Variants in GLIS3 observed in about 807,000 individuals in gnomAD.
GLIS3 encodes GLIS family zinc finger 3, also known as zinc finger protein GLIS3.
In GLIS3, 53 loss-of-function variants were observed where a neutral mutation model predicts 78.6. That is an observed-to-expected ratio of 0.67 (90% CI 0.54 to 0.85). The LOEUF (loss-of-function observed/expected upper bound fraction) is 0.85. Among genes scored for constraint, GLIS3 ranks in the 40% least tolerant of loss-of-function variants. The probability of loss-of-function intolerance (pLI) is 0.00; values close to 1 mark genes in which losing one functional copy is unlikely to be tolerated. For missense variants in GLIS3, 1,703 were observed against 1,231.1 expected (o/e 1.38, Z -5.74); for synonymous variants, 684 against 509.9 (o/e 1.34, Z -4.60).
chr9:4,130,993 G>C (rs541990803), intron 2 of GLIS3, among the ~76,000 whole-genome samples: 38 of 152,344 alleles, frequency 2.5e-4, no homozygotes, highest in African/African-American at 8.9e-4. Context: ...TCTTGCACCA[G>C]TGTGGCCTGG....
At chr9:4,294,547 CA>C (rs1183653669) in intron 1 of GLIS3, among the ~76,000 whole-genome samples, 1 of 151,920 alleles carries the variant, frequency 6.6e-6, no homozygotes, top group Non-Finnish European at 1.5e-5. Context: ...AATGAGAATC[CA>C]CATCACATGC....
chr9:4,454,905 CA>C, the GLIS3 span, among the ~76,000 whole-genome samples: 25 of 152,304 alleles, frequency 1.6e-4, no homozygotes, highest in African/African-American at 6.0e-4. Context: ...CACACACTCA[CA>C]TGCCTTTAAT....
At chr9:4,411,728 A>G in the GLIS3 span, among the ~76,000 whole-genome samples, 1 of 152,320 alleles carries the variant, frequency 6.6e-6, no homozygotes, top group East Asian at 1.9e-4. Flanking sequence ...CATGCTCCCA[A>G]AGAAATAACC....
At chr9:4,102,325 C>T (rs745977625) in intron 4 of GLIS3, among the ~76,000 whole-genome samples, 54 of 152,154 alleles carry the variant, frequency 3.5e-4, no homozygotes, top group Non-Finnish European at 4.9e-4. Context: ...GCTGGGGAAG[C>T]GGCTAAGCGA....
chr9:4,080,814 A>G (rs560983309), intron 4 of GLIS3, among the ~76,000 whole-genome samples: 109 of 152,256 alleles, frequency 7.2e-4, no homozygotes, highest in African/African-American at 2.6e-3. Context: ...CAGATAACGC[A>G]AGGCTCTTCA....
chr9:4,089,544 G>T (rs2130743279), intron 4 of GLIS3, among the ~76,000 whole-genome samples: 1 of 152,226 alleles, frequency 6.6e-6, no homozygotes, highest in Non-Finnish European at 1.5e-5. Flanking sequence ...ATAAAAAATT[G>T]GCCATGTGTA....
chr9:3,876,360 C>T (rs1248621273), intron 8 of GLIS3, among the ~76,000 whole-genome samples: 1 of 151,670 alleles, frequency 6.6e-6, no homozygotes, highest in Non-Finnish European at 1.5e-5. Context: ...TATTAGATCC[C>T]TGAATCACAA....
chr9:3,908,234 C>T (rs962468998), intron 6 of GLIS3, among the ~76,000 whole-genome samples: 2 of 152,170 alleles, frequency 1.3e-5, no homozygotes, highest in Non-Finnish European at 2.9e-5. Flanking sequence ...TAGTAAGGGG[C>T]AACGTCCTCA....
chr9:4,269,182 G>A (rs1265843041), intron 2 of GLIS3, among the ~76,000 whole-genome samples: 1 of 152,016 alleles, frequency 6.6e-6, no homozygotes, highest in African/African-American at 2.4e-5. Context: ...TCACTCTAAG[G>A]GATCTCCTCT....
intron 2 of GLIS3, among the ~76,000 whole-genome samples, chr9:4,283,753 T>C (rs1827756945): frequency 6.6e-6 from 1 of 152,218 alleles, no homozygotes; most frequent in South Asian, 2.1e-4. Flanking sequence ...CAACCAGTTA[T>C]TGGCTTAGTA....
intron 7 of GLIS3, among the ~76,000 whole-genome samples, chr9:3,885,227 A>G (rs4741864): frequency 0.99 from 151,325 of 152,354 alleles, 75,165 homozygotes; most frequent in Middle Eastern, 1. Context: ...AAGGAAGGCA[A>G]GGAAGGGTTA....
At chr9:4,133,852 A>G (rs935794734) in intron 2 of GLIS3, among the ~76,000 whole-genome samples, 2 of 148,288 alleles carry the variant, frequency 1.3e-5, no homozygotes, top group African/African-American at 5.0e-5. Context: ...ACACACACAC[A>G]CACACACACA....
intron 2 of GLIS3, among the ~76,000 whole-genome samples, chr9:4,189,282 T>C (rs186134524): frequency 3.3e-5 from 5 of 152,368 alleles, no homozygotes; most frequent in African/African-American, 7.2e-5. Context: ...AGCAGGTTTG[T>C]TCAGTTTCCA....
intron 4 of GLIS3, among the ~76,000 whole-genome samples, chr9:4,078,206 T>A (rs1323518269): frequency 1.3e-5 from 2 of 152,186 alleles, no homozygotes; most frequent in Non-Finnish European, 2.9e-5. Flanking sequence ...TTTTTTTCAA[T>A]ATAATCCTTT....
At chr9:4,217,581 C>T (rs998404962) in intron 2 of GLIS3, among the ~76,000 whole-genome samples, 4 of 152,136 alleles carry the variant, frequency 2.6e-5, no homozygotes, top group Non-Finnish European at 4.4e-5. Context: ...ACTTGTAGTA[C>T]CCTCAGCTCC....
chr9:3,895,385 G>C (rs757044700), intron 7 of GLIS3, among the ~76,000 whole-genome samples: 1 of 152,142 alleles, frequency 6.6e-6, no homozygotes, highest in Non-Finnish European at 1.5e-5. Context: ...TTGCTGCCTT[G>C]GCCTTCCTGT....
intron 9 of GLIS3, among the ~76,000 whole-genome samples, chr9:3,837,442 CTT>C (rs1282475186): frequency 6.6e-6 from 1 of 152,200 alleles, no homozygotes; most frequent in Non-Finnish European, 1.5e-5. Context: ...GGTTGGAAAA[CTT>C]ATGTCCATAC....
chr9:3,952,004 TGAGA>T (rs1291374073), intron 4 of GLIS3, among the ~76,000 whole-genome samples: 1 of 151,160 alleles, frequency 6.6e-6, no homozygotes. Flanking sequence ...ACAAGCGTGG[TGAGA>T]GAGAGAGGGG....
intron 4 of GLIS3, among the ~76,000 whole-genome samples, chr9:3,967,011 CAAA>C (rs776900943): frequency 3.4e-5 from 1 of 29,598 alleles, no homozygotes. Context: ...TTTCTTTCTG[CAAA>C]AAAAAAAAAA....
Sources: allele counts gnomAD v4.1 joint callset (sites outside exome capture counted in the v4.1 genomes callset), GRCh38; gene constraint gnomAD v4.1.1; transcripts MANE v1.5; gene names NCBI Gene and HGNC (gene_info 2026-07-23, HGNC 2026-07-21).